HPS1: variants seen among roughly 807,000 people sequenced by gnomAD.
The protein encoded by HPS1 is HPS1 biogenesis of lysosomal organelles complex 3 subunit 1, also known as BLOC-3 complex member HPS1.
HPS1 carries 59 observed loss-of-function variants against 90.6 expected under a neutral mutation model. The ratio of observed to expected loss-of-function variants is 0.65; its 90% CI spans 0.53 to 0.81. The LOEUF (loss-of-function observed/expected upper bound fraction) is 0.81, where lower values mean the gene tolerates loss of function less well. HPS1 is among the 30% of genes least tolerant of loss of function. HPS1 has a pLI of 0.00. For synonymous variants in HPS1, 388 were observed against 384.4 expected (o/e 1.01, Z -0.11); for missense variants, 849 against 896.7 (o/e 0.95, Z 0.68).
In HPS1 at chr10:98,443,167, C is replaced by A. The variant is rs1205861490; in HGVS notation, c.74G>T (p.Ser25Ile). The change falls in exon 3 of 20, where the codon AGT (serine) becomes ATT (isoleucine). Residue 25 changes from serine to isoleucine, a missense_variant. Transcript: ENST00000361490. ...FYWTDQEFEESLRLKFGQSEN... is the reference protein window; with the variant it reads ...FYWTDQEFEEILRLKFGQSEN... ...TGACTGCCCGAACTTCAGCCGGAGA[C>A]TCTCTTCAAACTCCTGATCTGTCCA... is the stretch of plus-strand genomic sequence containing the variant. The A allele has an allele frequency of 1.2e-6, 2 of 1,614,020 alleles. No individual in the cohort carries two copies. Among genetic ancestry groups the A allele is most frequent in the African/African-American group, 2.7e-5 (2 of 74,920 alleles).
rs1564849225 is a variant in HPS1 at position 98,430,583 on chromosome 10, C to T, written c.756G>A (p.Glu252=). The change falls in exon 8 of 20, where the codon GAG becomes GAA. Residue 252 remains glutamate (E), a synonymous_variant. Coordinates refer to ENST00000361490, the MANE Select transcript of HPS1 (RefSeq NM_000195.5). ...GCTGCCCTGAGACCTGAATGTCGTCCTCTGCTGTGCTCTCGCTGGGGTAGA... is the reference window on the plus strand; with the variant it reads ...GCTGCCCTGAGACCTGAATGTCGTCTTCTGCTGTGCTCTCGCTGGGGTAGA... ...QDLYPSESTA[E]DDIQPSPRRA... 6.4e-7 allele frequency: 1 copy of T among 1,553,456 alleles called. No individual in the cohort carries two copies. The highest frequency in any genetic ancestry group is 8.7e-7 in the Non-Finnish European group (1 of 1,147,700).
intron 14 of HPS1, 58 bp from the exon 15 acceptor site, chr10:98,423,945 T>C: frequency 5.0e-6 from 8 of 1,599,028 alleles, no homozygotes; most frequent in Non-Finnish European, 6.8e-6. Context: ...CCCCTCGCCC[T>C]GTGTGGACCA....
intron 6 of HPS1, 150 bp downstream of exon 6, chr10:98,433,833 A>G: frequency 9.0e-7 from 1 of 1,112,100 alleles, no homozygotes; most frequent in Non-Finnish European, 1.3e-6. Flanking sequence ...AACCCTCCAT[A>G]TGGCCAGAAA....
At chr10:98,431,463 TG>T in intron 6 of HPS1, 172 bp from the exon 7 acceptor site, 1 of 658,740 alleles carries the variant, frequency 1.5e-6, no homozygotes, top group Non-Finnish European at 2.6e-6. Context: ...TGAGGCTTAC[TG>T]TCTGGTCACT....
At position 98,422,394 on chromosome 10, in the gene HPS1, G is replaced by T. The variant is rs372351461; in HGVS notation, c.1718C>A (p.Pro573Gln). ...QKTSSELGKGPLAAFVKTKVW... is the reference protein window; with the variant it reads ...QKTSSELGKGQLAAFVKTKVW... ...CTTAGTTTTGACAAAGGCAGCCAGC[G>T]GCCCCTTGCCCAACTCCGACGAGGT... The change falls in exon 17 of 20, where the codon CCG (proline) becomes CAG (glutamine). Residue 573 changes from proline (P) to glutamine (Q), a missense_variant. Pro to Gln is a moderately conservative substitution (Grantham distance 76, BLOSUM62 -1). Coordinates refer to ENST00000361490, the MANE Select transcript of HPS1 (RefSeq NM_000195.5). The T allele has an allele frequency of 6.2e-7, 1 of 1,610,648 alleles. No homozygotes were observed. Among genetic ancestry groups the T allele is most frequent in the Non-Finnish European group, 8.5e-7 (1 of 1,177,994 alleles).
rs1462718285 is a variant in HPS1, at chr10:98,443,224, A to AC, written c.16dup (p.Val6GlyfsTer4). Reference sequence around the variant, plus strand: ...GAGGACCTCTGCGCCCTCAGTGGCCACCAAGACGCACTTCATCTGCCAGGG... The same window carrying AC: ...GAGGACCTCTGCGCCCTCAGTGGCCACCCAAGACGCACTTCATCTGCCAGGG... On this transcript the variant is annotated frameshift_variant, in exon 3 of 20. Transcript: ENST00000361490. LOFTEE classifies it high-confidence loss of function. The AC allele has an allele frequency of 3.1e-6, 5 of 1,613,872 alleles. No individual in the cohort carries two copies. Among genetic ancestry groups the AC allele is most frequent in the Non-Finnish European group, 4.2e-6 (5 of 1,179,748 alleles).
At chr10:98,442,942 G>A (rs1938706228) in intron 3 of HPS1, 182 bp downstream of exon 3, 6 of 669,722 alleles carry the variant, frequency 9.0e-6, no homozygotes, top group Non-Finnish European at 1.6e-5. Flanking sequence ...CGAGCTCAGA[G>A]CATCAAGAGG....
chr10:98,436,044 G>C (rs557994397), intron 3 of HPS1, among the ~76,000 whole-genome samples: 2 of 152,344 alleles, frequency 1.3e-5, no homozygotes, highest in African/African-American at 4.8e-5. Context: ...CATTACAACA[G>C]TGGAATGTGG....
At chr10:98,424,002 C>A in intron 14 of HPS1, 115 bp from the exon 15 acceptor site, 1 of 1,399,498 alleles carries the variant, frequency 7.1e-7, no homozygotes, top group South Asian at 1.2e-5. Flanking sequence ...GCCCTTCCCC[C>A]TTGTGGACCA....
At chr10:98,422,623 C>G in intron 16 of HPS1, 110 bp from the exon 17 acceptor site, 1 of 1,096,882 alleles carries the variant, frequency 9.1e-7, no homozygotes, top group Non-Finnish European at 1.4e-6. Context: ...AGGACTGCCT[C>G]TTTCCAGCAG....
intron 11 of HPS1, 120 bp downstream of exon 11, chr10:98,427,095 T>C: frequency 1.3e-6 from 1 of 785,304 alleles, no homozygotes; most frequent in Non-Finnish European, 2.1e-6. Context: ...AGCCCTGGGG[T>C]GGGCAGGAGG....
At chr10:98,429,390 T>C (rs568711253) in intron 10 of HPS1, 183 bp downstream of exon 10, 1 of 1,531,402 alleles carries the variant, frequency 6.5e-7, no homozygotes, top group Admixed American at 2.0e-5. Flanking sequence ...AATCCTTGAG[T>C]TCAGGCTGGA....
intron 10 of HPS1, among the ~76,000 whole-genome samples, chr10:98,428,715 T>TA (rs1554890704): frequency 1.5e-4 from 22 of 150,460 alleles, no homozygotes; most frequent in African/African-American, 3.7e-4. Flanking sequence ...TTTTTTTTTT[T>TA]ACCTAAGAAC....
chr10:98,440,571 A>G (rs940298458), intron 3 of HPS1, among the ~76,000 whole-genome samples: 1 of 152,188 alleles, frequency 6.6e-6, no homozygotes, highest in African/African-American at 2.4e-5. Flanking sequence ...TCCCAATTAT[A>G]TAGAAAAAAT....
At chr10:98,432,844 C>T (rs750304745) in intron 6 of HPS1, among the ~76,000 whole-genome samples, 21 of 152,240 alleles carry the variant, frequency 1.4e-4, no homozygotes, top group South Asian at 1.2e-3. Context: ...TGTGAGTTCA[C>T]GTTTGTTTGA....
chr10:98,431,591 CT>C (rs1456423417), intron 6 of HPS1, among the ~76,000 whole-genome samples: 1 of 152,124 alleles, frequency 6.6e-6, no homozygotes, highest in East Asian at 1.9e-4. Context: ...CAGAGACCTC[CT>C]TGGGTAGGGT....
chr10:98,431,052 G>A (rs913470975), intron 7 of HPS1, 79 bp downstream of exon 7: 1 of 1,462,614 alleles, frequency 6.8e-7, no homozygotes, highest in Non-Finnish European at 9.5e-7. Flanking sequence ...TGGGCAGGTG[G>A]TGCTTTTCAG....
chr10:98,434,240 C>T (rs760556197), intron 5 of HPS1, 149 bp from the exon 6 acceptor site: 12 of 783,920 alleles, frequency 1.5e-5, no homozygotes, highest in East Asian at 5.5e-5. Flanking sequence ...GCCAGGTTTC[C>T]GGCCGAGCTC....
intron 1 of HPS1, among the ~76,000 whole-genome samples, chr10:98,446,604 G>C (rs1371698910): frequency 6.6e-6 from 1 of 152,190 alleles, no homozygotes. Context: ...GCCAGTTTCT[G>C]TCCAGTTTCA....
Sources: allele counts gnomAD v4.1 joint callset (sites outside exome capture counted in the v4.1 genomes callset), GRCh38; gene constraint gnomAD v4.1.1; transcripts MANE v1.5; gene names NCBI Gene and HGNC (gene_info 2026-07-23, HGNC 2026-07-21).